The following PTPRG variants were observed in gnomAD, a reference collection of about 807,000 sequenced individuals.
The protein encoded by PTPRG is receptor-type tyrosine-protein phosphatase gamma.
In PTPRG, 102 loss-of-function variants were observed where a neutral mutation model predicts 165.3. That is an observed-to-expected ratio of 0.62 (90% CI 0.53 to 0.73). PTPRG has a LOEUF of 0.73. Among genes scored for constraint, PTPRG ranks in the 30% least tolerant of loss-of-function variants. The pLI is 0.00. For synonymous variants in PTPRG, 675 were observed against 669.5 expected (o/e 1.01, Z -0.13); for missense variants, 1,866 against 1,861.4 (o/e 1.00, Z -0.05).
intron 2 of PTPRG, among the ~76,000 whole-genome samples, chr3:61,821,784 C>T (rs942709400): frequency 4.6e-5 from 7 of 152,184 alleles, no homozygotes; most frequent in African/African-American, 1.2e-4. Context: ...AGAACATCCG[C>T]CCAAGATGCA....
At chr3:62,165,113 G>C (rs1704918952) in intron 7 of PTPRG, among the ~76,000 whole-genome samples, 1 of 152,184 alleles carries the variant, frequency 6.6e-6, no homozygotes, top group African/African-American at 2.4e-5. Flanking sequence ...ACATGGAGAA[G>C]AGCTGGTCAG....
intron 1 of PTPRG, among the ~76,000 whole-genome samples, chr3:61,722,883 A>C (rs563136507): frequency 7.9e-5 from 12 of 152,282 alleles, no homozygotes; most frequent in Middle Eastern, 3.4e-3. Context: ...TAAAGGTGCC[A>C]ACTGATGTTG....
chr3:62,292,387 A>T (rs1702928102), intron 28 of PTPRG, 34 bp from the exon 29 acceptor site: 3 of 1,597,178 alleles, frequency 1.9e-6, no homozygotes, highest in African/African-American at 2.7e-5. Context: ...CCCTTTGTAC[A>T]TCTGAAATCG....
intron 1 of PTPRG, among the ~76,000 whole-genome samples, chr3:61,572,872 A>G (rs971912520): frequency 3.9e-5 from 6 of 152,184 alleles, no homozygotes; most frequent in Non-Finnish European, 7.4e-5. Context: ...TCACCCAAGC[A>G]TAGGTGATTT....
At chr3:61,665,001 C>G (rs1331600006) in intron 1 of PTPRG, among the ~76,000 whole-genome samples, 1 of 152,102 alleles carries the variant, frequency 6.6e-6, no homozygotes, top group African/African-American at 2.4e-5. Context: ...TCTGATAAAT[C>G]TTACTGTCTC....
At chr3:61,663,479 G>A (rs895839808) in intron 1 of PTPRG, among the ~76,000 whole-genome samples, 1 of 152,102 alleles carries the variant, frequency 6.6e-6, no homozygotes, top group Non-Finnish European at 1.5e-5. Context: ...TGGAGATAGT[G>A]TATTCAAAGC....
At chr3:61,810,374 G>A (rs2035538405) in intron 2 of PTPRG, among the ~76,000 whole-genome samples, 1 of 152,170 alleles carries the variant, frequency 6.6e-6, no homozygotes, top group Admixed American at 6.5e-5. Flanking sequence ...TGATTTGGAA[G>A]ATGACAGTAA....
intron 2 of PTPRG, among the ~76,000 whole-genome samples, chr3:61,834,706 A>C (rs566484729): frequency 6.1e-4 from 93 of 152,254 alleles, no homozygotes; most frequent in African/African-American, 2.1e-3. Context: ...CCAACTACTC[A>C]GGAAGCTGAG....
intron 2 of PTPRG, among the ~76,000 whole-genome samples, chr3:61,869,687 T>C (rs1398280330): frequency 6.6e-6 from 1 of 151,678 alleles, no homozygotes; most frequent in Non-Finnish European, 1.5e-5. Context: ...TAACTGATCT[T>C]CCCCCCTCAG....
intron 2 of PTPRG, among the ~76,000 whole-genome samples, chr3:61,878,989 A>G (rs370375269): frequency 6.6e-6 from 1 of 152,270 alleles, no homozygotes; most frequent in Admixed American, 6.5e-5. Flanking sequence ...GTACTTCTAT[A>G]TATTAACAGG....
Position 61,819,254 on chromosome 3 carries a change from C to T in PTPRG, c.190+70272C>T, listed in dbSNP as rs193203944. ...GATTGTGAGTGTGCCAGAAATCAGG[C>T]AATATAACTTCCATGAGCTGTTTTT... On this transcript the variant is annotated intron_variant, in intron 2 of 29. Coordinates refer to ENST00000474889, the MANE Select transcript of PTPRG (RefSeq NM_002841.4). 2.3e-3 allele frequency among the ~76,000 whole-genome samples: 350 copies of T among 152,164 alleles called. 1 individual carries two copies. Among genetic ancestry groups the T allele is most frequent in the African/African-American group, 8.2e-3 (340 of 41,508 alleles).
chr3:62,030,891 C>A (rs775582879), intron 4 of PTPRG, among the ~76,000 whole-genome samples: 1 of 152,148 alleles, frequency 6.6e-6, no homozygotes, highest in Non-Finnish European at 1.5e-5. Context: ...CTGGGTAAAT[C>A]TAAAGCAGAT....
intron 2 of PTPRG, among the ~76,000 whole-genome samples, chr3:61,798,193 G>A (rs1310484356): frequency 1.3e-5 from 2 of 152,136 alleles, no homozygotes; most frequent in Non-Finnish European, 2.9e-5. Context: ...AGCTTTTAAA[G>A]AGTTTATTAG....
chr3:61,893,597 T>G lies in PTPRG; in HGVS notation c.191-96028T>G, dbSNP rs2038274159. On this transcript the variant is annotated intron_variant, in intron 2 of 29. Transcript: ENST00000474889. ...CACTTGAGGACTGGGTGATACTTTT[T>G]TTGGTAAGACAGGTTTTCTTTCATC... Among the ~76,000 whole-genome samples, 4 of 152,206 alleles carry G rather than the reference T, an allele frequency of 2.6e-5. No homozygotes were observed. In the South Asian group the frequency reaches 8.3e-4, roughly 31 times the overall value.
At chr3:61,605,748 T>C (rs951808819) in intron 1 of PTPRG, among the ~76,000 whole-genome samples, 1 of 152,038 alleles carries the variant, frequency 6.6e-6, no homozygotes, top group Non-Finnish European at 1.5e-5. Flanking sequence ...TTTCTAGTTT[T>C]ATGTTTGTAG....
intron 1 of PTPRG, among the ~76,000 whole-genome samples, chr3:61,644,173 C>CT (rs1702139380): frequency 6.6e-6 from 1 of 152,330 alleles, no homozygotes; most frequent in East Asian, 1.9e-4. Context: ...TGTCAGGCCT[C>CT]TGTCTTTTCA....
chr3:61,641,036 G>C (rs1031825255), intron 1 of PTPRG, among the ~76,000 whole-genome samples: 25 of 152,134 alleles, frequency 1.6e-4, no homozygotes, highest in African/African-American at 6.0e-4. Context: ...AGATGTCCAG[G>C]CAGGTTATCT....
intron 5 of PTPRG, among the ~76,000 whole-genome samples, chr3:62,098,791 G>A (rs1702196860): frequency 6.6e-6 from 1 of 152,176 alleles, no homozygotes; most frequent in African/African-American, 2.4e-5. Context: ...CTCTCAGAAA[G>A]CTAGCAGAGT....
At chr3:61,642,249 G>C (rs1417361947) in intron 1 of PTPRG, among the ~76,000 whole-genome samples, 1 of 152,120 alleles carries the variant, frequency 6.6e-6, no homozygotes, top group African/African-American at 2.4e-5. Context: ...GGGGCCGTCA[G>C]CCTTGCAGTT....
Sources: allele counts gnomAD v4.1 joint callset (sites outside exome capture counted in the v4.1 genomes callset), GRCh38; gene constraint gnomAD v4.1.1; transcripts MANE v1.5; gene names NCBI Gene and HGNC (gene_info 2026-07-23, HGNC 2026-07-21).